The following TRAPPC12 variants were observed in gnomAD, a reference collection of about 807,000 sequenced individuals.
TRAPPC12 encodes TPR repeat protein 15.
In TRAPPC12, 61 loss-of-function variants were observed where a neutral mutation model predicts 69.2. The observed-to-expected ratio is 0.88, with a 90% CI of 0.72 to 1.09. The LOEUF is 1.09. Ranked by LOEUF, TRAPPC12 falls within the 50% of genes least tolerant of loss-of-function variation. TRAPPC12 has a pLI of 0.00. For missense variants in TRAPPC12, 1,101 were observed against 1,016.4 expected (o/e 1.08, Z -1.13); for synonymous variants, 469 against 438.9 (o/e 1.07, Z -0.86).
intron 6 of TRAPPC12, among the ~76,000 whole-genome samples, chr2:3,452,033 G>A (rs931334588): frequency 2.0e-5 from 3 of 152,176 alleles, no homozygotes; most frequent in African/African-American, 7.2e-5. Flanking sequence ...TATTTCTGTG[G>A]GTCTCGAGTC....
At chr2:3,460,909 C>CGAGAT in intron 8 of TRAPPC12, 2 of 153,250 alleles carry the variant, frequency 1.3e-5, no homozygotes, top group Non-Finnish European at 2.9e-5. Flanking sequence ...TGGAACGCAC[C>CGAGAT]CCACACCTGG....
In TRAPPC12 at chr2:3,465,449, G is replaced by A. The variant is rs532805372; in HGVS notation, c.1678-148G>A. 158 of 608,420 alleles carry A rather than the reference G, an allele frequency of 2.6e-4. 1 individual carries two copies. In the South Asian group the frequency reaches 3.0e-3, roughly 12 times the overall value. 37.7% of individuals were successfully genotyped at this position (608,420 alleles called of 1,614,324 possible). ...AGCCGCCCCCTGGCAGCCGAGCACC[G>A]CGTGCTGGTTTCCAGCTTCCCCGCC... On this transcript the variant is annotated intron_variant, in intron 8 of 11. Coordinates refer to ENST00000324266, the MANE Select transcript of TRAPPC12 (RefSeq NM_016030.6).
intron 10 of TRAPPC12, 93 bp downstream of exon 10, chr2:3,477,888 G>A (rs4321399): frequency 0.4 from 286,741 of 725,606 alleles, 57,989 homozygotes; most frequent in East Asian, 0.5. Flanking sequence ...TAGAGAAGGC[G>A]CTTCTCCCTG....
intron 6 of TRAPPC12, among the ~76,000 whole-genome samples, chr2:3,454,030 T>C (rs1335354288): frequency 6.6e-6 from 1 of 152,144 alleles, no homozygotes; most frequent in Non-Finnish European, 1.5e-5. Flanking sequence ...AATAAAACAA[T>C]AGTCACTGAG....
rs917404742 is a variant in TRAPPC12, at chr2:3,472,945, C to T, written c.1777-4750C>T. ...TCTGGCCAAGCAGACTTGATAGGAT[C>T]GTTGCTGACAGCCGGCCAGGGTGGT... is the stretch of plus-strand genomic sequence containing the variant. On this transcript the variant is annotated intron_variant, in intron 9 of 11. Coordinates refer to ENST00000324266, the MANE Select transcript of TRAPPC12 (RefSeq NM_016030.6). Among the ~76,000 whole-genome samples the T allele has an allele frequency of 4.6e-5, 7 of 152,098 alleles. No individual in the cohort carries two copies. In the East Asian group the frequency reaches 1.2e-3, roughly 25 times the overall value.
At position 3,388,637 on chromosome 2, in the gene TRAPPC12, C is replaced by T. The variant is rs768592903; in HGVS notation, c.1014C>T (p.Leu338=). The T allele has an allele frequency of 5.1e-6, 8 of 1,582,698 alleles. No homozygotes were observed. Among genetic ancestry groups the T allele is most frequent in the Non-Finnish European group, 6.9e-6 (8 of 1,162,562 alleles). ...CCGTGTTCGTGGACAAGGAGAACCTCACCATGCCGGGCCTCAGGTTCGACA... is the reference window on the plus strand; with the variant it reads ...CCGTGTTCGTGGACAAGGAGAACCTTACCATGCCGGGCCTCAGGTTCGACA... ...RGAVFVDKEN[L]TMPGLRFDNI... is the part of the protein sequence containing the mutation. The change falls in exon 2 of 12, where the codon CTC becomes CTT. Residue 338 remains leucine, a synonymous_variant. Transcript: ENST00000324266.
intron 6 of TRAPPC12, among the ~76,000 whole-genome samples, chr2:3,447,504 T>A (rs1466473871): frequency 6.6e-6 from 1 of 152,012 alleles, no homozygotes; most frequent in African/African-American, 2.4e-5. Context: ...AGACTTTTTT[T>A]GACAATCAGA....
At chr2:3,470,539 G>A (rs948911392) in intron 9 of TRAPPC12, among the ~76,000 whole-genome samples, 1 of 152,226 alleles carries the variant, frequency 6.6e-6, no homozygotes, top group Non-Finnish European at 1.5e-5. Context: ...CACCAGTGCC[G>A]TCGCCAAATC....
chr2:3,401,707 A>G (rs917538318), intron 2 of TRAPPC12, 70 bp from the exon 3 acceptor site: 2 of 1,001,018 alleles, frequency 2.0e-6, no homozygotes, highest in Non-Finnish European at 2.9e-6. Context: ...GTGTTTAGTT[A>G]TGGGTTCTGG....
intron 1 of TRAPPC12, among the ~76,000 whole-genome samples, chr2:3,383,871 GTTTTTTTTTTTTTTTTTTTTTTT>G (rs34956958): frequency 0.3 from 25,254 of 85,590 alleles, 2,795 homozygotes; most frequent in Admixed American, 0.34. Flanking sequence ...GTTCAGTCTT[GTTTTTTTTTTTTTTTTTTTTTTT>G]TTTTTTTTTT....
rs546585903 is a variant in TRAPPC12, at chr2:3,406,554, G to A, written c.1164+4661G>A. Among the ~76,000 whole-genome samples, 3 of 152,316 alleles carry A rather than the reference G, an allele frequency of 2.0e-5. No homozygotes were observed. In the East Asian group the frequency reaches 5.8e-4, roughly 29 times the overall value. On this transcript the variant is annotated intron_variant, in intron 3 of 11. Transcript: ENST00000324266. Reference sequence around the variant, plus strand: ...AGAAAGCTTTGGAGAGGAGAGAGATGGAGATACTCTTTTTTAAAGGGGAAA... The same window carrying A: ...AGAAAGCTTTGGAGAGGAGAGAGATAGAGATACTCTTTTTTAAAGGGGAAA...
intron 3 of TRAPPC12, among the ~76,000 whole-genome samples, chr2:3,403,639 G>A (rs1661576034): frequency 6.6e-6 from 1 of 152,234 alleles, no homozygotes; most frequent in Admixed American, 6.5e-5. Context: ...GACAGGTGAA[G>A]GTTAGCCTGT....
chr2:3,424,963 T>A (rs1663014704), intron 5 of TRAPPC12, among the ~76,000 whole-genome samples: 1 of 152,226 alleles, frequency 6.6e-6, no homozygotes, highest in Admixed American at 6.5e-5. Context: ...TGAGCTGCGC[T>A]CCACAGGGAA....
At chr2:3,432,378 C>T (rs1034209225) in intron 5 of TRAPPC12, among the ~76,000 whole-genome samples, 7 of 152,216 alleles carry the variant, frequency 4.6e-5, no homozygotes, top group African/African-American at 1.4e-4. Context: ...GGCACACTGT[C>T]ACTGGATCTT....
At chr2:3,404,513 A>C (rs1475627367) in intron 3 of TRAPPC12, among the ~76,000 whole-genome samples, 1 of 152,202 alleles carries the variant, frequency 6.6e-6, no homozygotes, top group Non-Finnish European at 1.5e-5. Context: ...TTGGCAAAGC[A>C]GCCTTAGTTA....
chr2:3,452,466 G>A (rs1349621672), intron 6 of TRAPPC12, among the ~76,000 whole-genome samples: 1 of 152,190 alleles, frequency 6.6e-6, no homozygotes, highest in African/African-American at 2.4e-5. Flanking sequence ...CTGCCACACT[G>A]TGGCCGGTCA....
chr2:3,461,047 C>T (rs1024951314), intron 8 of TRAPPC12: 3 of 152,298 alleles, frequency 2.0e-5, no homozygotes, highest in African/African-American at 4.8e-5. Context: ...CTCGTAACAC[C>T]TCCTGGGCTG....
intron 7 of TRAPPC12, among the ~76,000 whole-genome samples, chr2:3,459,234 C>T (rs1017766240): frequency 2.6e-5 from 4 of 152,234 alleles, no homozygotes; most frequent in Admixed American, 2.6e-4. Context: ...TGGTGCTGCC[C>T]AGGGTGGCAT....
At chr2:3,427,705 A>G (rs570540314) in intron 5 of TRAPPC12, among the ~76,000 whole-genome samples, 134 of 152,352 alleles carry the variant, frequency 8.8e-4, no homozygotes, top group Admixed American at 2.1e-3. Flanking sequence ...AGCCTGGCCA[A>G]CATGGCAAAA....
Sources: allele counts gnomAD v4.1 joint callset (sites outside exome capture counted in the v4.1 genomes callset), GRCh38; gene constraint gnomAD v4.1.1; transcripts MANE v1.5; gene names NCBI Gene and HGNC (gene_info 2026-07-23, HGNC 2026-07-21).